DCDC2C: variants seen among roughly 807,000 people sequenced by gnomAD.
The protein encoded by DCDC2C is doublecortin domain containing 2C, also known as doublecortin domain-containing protein 2C.
DCDC2C carries 44 observed loss-of-function variants against 45.0 expected under a neutral mutation model. That is an observed-to-expected ratio of 0.98 (90% CI 0.77 to 1.26). The LOEUF is 1.26. Among genes scored for constraint, DCDC2C ranks in the 50% most tolerant of loss-of-function variants. The pLI is 0.00. For synonymous variants in DCDC2C, 187 were observed against 178.8 expected (o/e 1.05, Z -0.37); for missense variants, 447 against 468.9 (o/e 0.95, Z 0.43).
chr2:3,741,210 A>C (rs939576970), intron 3 of DCDC2C, among the ~76,000 whole-genome samples: 5 of 152,210 alleles, frequency 3.3e-5, no homozygotes, highest in Non-Finnish European at 2.9e-5. Flanking sequence ...GGAGTGAATA[A>C]GTGGTTTCTA....
At chr2:3,813,488 T>G (rs1276600064) in intron 10 of DCDC2C, among the ~76,000 whole-genome samples, 18 of 152,148 alleles carry the variant, frequency 1.2e-4, no homozygotes, top group Admixed American at 1.1e-3. Flanking sequence ...CGTTGATCTG[T>G]TTAATACTGA....
rs537918405 is a variant in DCDC2C at position 3,761,460 on chromosome 2, T to C, written c.727-6294T>C. Reference sequence around the variant, plus strand: ...CTGAGACCCACACTTTAATAACCTGTTCTGAACAGTAAATTTCACTGTGAA... The same window carrying C: ...CTGAGACCCACACTTTAATAACCTGCTCTGAACAGTAAATTTCACTGTGAA... On this transcript the variant is annotated intron_variant, in intron 6 of 10. Transcript: ENST00000399143. The surrounding 1 kb of genome is among the most constrained non-coding windows in gnomAD (Gnocchi z 4.3). 6.6e-6 allele frequency among the ~76,000 whole-genome samples: 1 copy of C among 152,334 alleles called. No homozygotes were observed. Among genetic ancestry groups the C allele is most frequent in the East Asian group, 1.9e-4 (1 of 5,176 alleles).
At chr2:3,730,182 C>T (rs558019894) in intron 3 of DCDC2C, among the ~76,000 whole-genome samples, 7 of 152,210 alleles carry the variant, frequency 4.6e-5, no homozygotes, top group Admixed American at 2.0e-4. Flanking sequence ...CAGGCACAGT[C>T]GCTCAAGCCT....
intron 2 of DCDC2C, among the ~76,000 whole-genome samples, chr2:3,726,293 G>A (rs1411585359): frequency 6.6e-6 from 1 of 152,084 alleles, no homozygotes; most frequent in Non-Finnish European, 1.5e-5. Context: ...CTGTCACTCA[G>A]CACAGGGTTG....
At chr2:3,782,670 G>C (rs1670547531) in intron 9 of DCDC2C, among the ~76,000 whole-genome samples, 1 of 152,044 alleles carries the variant, frequency 6.6e-6, no homozygotes, top group South Asian at 2.1e-4. Context: ...AGTAGAGACG[G>C]GGTTTCACTG....
intron 3 of DCDC2C, among the ~76,000 whole-genome samples, chr2:3,728,912 G>A (rs1668779404): frequency 6.6e-6 from 1 of 152,202 alleles, no homozygotes; most frequent in Non-Finnish European, 1.5e-5. Context: ...TGAGCTGGTG[G>A]TGAGTGCATG....
intron 10 of DCDC2C, among the ~76,000 whole-genome samples, chr2:3,834,823 TG>T (rs1672036736): frequency 1.3e-5 from 2 of 152,094 alleles, no homozygotes; most frequent in African/African-American, 4.8e-5. Flanking sequence ...GTCCATCAAG[TG>T]GGATGGAGTG....
At chr2:3,769,471 G>C in intron 8 of DCDC2C, 60 bp downstream of exon 8, 1 of 1,435,090 alleles carries the variant, frequency 7.0e-7, no homozygotes, top group Middle Eastern at 1.7e-4. Flanking sequence ...GCTCCTGCCC[G>C]CCTCAGCGTC....
At chr2:3,708,921 A>G (rs1668137108) in intron 2 of DCDC2C, among the ~76,000 whole-genome samples, 1 of 152,220 alleles carries the variant, frequency 6.6e-6, no homozygotes, top group Non-Finnish European at 1.5e-5. Flanking sequence ...AGGAAAAGTT[A>G]TTTAGAGTTA....
At chr2:3,704,424 G>A (rs1279754693) in intron 1 of DCDC2C, among the ~76,000 whole-genome samples, 1 of 2,082 alleles carries the variant, frequency 4.8e-4, no homozygotes, top group African/African-American at 2.7e-3. Context: ...TGTGGAGAGG[G>A]GCGTGGGGGA....
At chr2:3,837,889 C>T (rs954657108) in intron 10 of DCDC2C, among the ~76,000 whole-genome samples, 8 of 152,118 alleles carry the variant, frequency 5.3e-5, no homozygotes, top group African/African-American at 1.9e-4. Flanking sequence ...GATGCGGACA[C>T]ATATCCCGGG....
At chr2:3,718,365 T>G (rs988696820) in intron 2 of DCDC2C, among the ~76,000 whole-genome samples, 2 of 152,178 alleles carry the variant, frequency 1.3e-5, no homozygotes, top group Non-Finnish European at 2.9e-5. Flanking sequence ...TGGGACGGCT[T>G]CTCTGGCTCT....
chr2:3,792,300 T>A (rs1237875677), intron 10 of DCDC2C, among the ~76,000 whole-genome samples: 1 of 152,210 alleles, frequency 6.6e-6, no homozygotes, highest in Non-Finnish European at 1.5e-5. Context: ...GAGCTGTGCA[T>A]CCAGCCCCTG....
intron 3 of DCDC2C, among the ~76,000 whole-genome samples, chr2:3,739,044 A>G (rs1047040635): frequency 9.2e-5 from 14 of 152,088 alleles, no homozygotes; most frequent in African/African-American, 2.7e-4. Flanking sequence ...TGTGAAATCC[A>G]TTTCTCCCTC....
At chr2:3,813,045 A>G (rs991290255) in intron 10 of DCDC2C, among the ~76,000 whole-genome samples, 1 of 8,302 alleles carries the variant, frequency 1.2e-4, no homozygotes, top group African/African-American at 3.4e-4. Flanking sequence ...GAACGTATAT[A>G]TATATATATA....
intron 9 of DCDC2C, among the ~76,000 whole-genome samples, chr2:3,780,667 T>C (rs1295428682): frequency 2.6e-5 from 4 of 152,126 alleles, no homozygotes; most frequent in Non-Finnish European, 5.9e-5. Flanking sequence ...AACGAAGGCA[T>C]CCCGAGCTTC....
rs1267286656 is a variant in DCDC2C at position 3,708,538 on chromosome 2, T to G, written c.288-11T>G. On this transcript the variant is annotated splice_polypyrimidine_tract_variant and intron_variant, in intron 1 of 10. Coordinates refer to ENST00000399143, the MANE Select transcript of DCDC2C (RefSeq NM_001287444.2). The stretch of plus-strand genomic sequence containing the variant: ...CCTTCTAATGATGTTTTCTTCTTTC[T>G]TCTTTTGCAGTTATATTCATATAGT... The G allele has an allele frequency of 1.3e-6, 2 of 1,535,298 alleles. No homozygotes were observed. The highest frequency in any genetic ancestry group is 1.8e-6 in the Non-Finnish European group (2 of 1,138,914).
intron 10 of DCDC2C, among the ~76,000 whole-genome samples, chr2:3,786,149 G>C (rs1287180682): frequency 1.3e-5 from 2 of 152,246 alleles, no homozygotes; most frequent in Non-Finnish European, 2.9e-5. Context: ...CCTATGCACA[G>C]AGCCTCTGGT....
chr2:3,711,284 T>A (rs919147887), intron 2 of DCDC2C, among the ~76,000 whole-genome samples: 2 of 152,132 alleles, frequency 1.3e-5, no homozygotes, highest in Admixed American at 1.3e-4. Context: ...AGCAATGCCG[T>A]TACTGGGTAT....
Sources: gnomAD v4.1 joint callset for allele counts (sites outside exome capture counted in the v4.1 genomes callset) on GRCh38, gnomAD v4.1.1 for gene constraint, Gnocchi (gnomAD v3.1) non-coding constraint, MANE v1.5 for transcripts, NCBI Gene and HGNC (gene_info 2026-07-23, HGNC 2026-07-21) for gene names.